The following CSTPP1 variants were observed in gnomAD, a reference collection of about 807,000 sequenced individuals.
CSTPP1 encodes centriolar satellite-associated tubulin polyglutamylase complex regulator 1, also known as UPF0705 protein C11orf49.
At chr11:46,936,933 C>A in the CSTPP1 span, 1 of 1,251,374 alleles carries the variant, frequency 8.0e-7, no homozygotes, top group South Asian at 2.3e-5. Flanking sequence ...GGGGCGGGGT[C>A]TGAGTGGGAT....
the CSTPP1 span, among the ~76,000 whole-genome samples, chr11:47,001,114 C>T: frequency 2.6e-5 from 4 of 152,118 alleles, no homozygotes; most frequent in African/African-American, 9.7e-5. Flanking sequence ...GGTGATGCAC[C>T]TTTTCTTTGT....
the CSTPP1 span, among the ~76,000 whole-genome samples, chr11:47,088,598 G>A: frequency 6.6e-6 from 1 of 152,148 alleles, no homozygotes; most frequent in African/African-American, 2.4e-5. Context: ...CCAGGCTGGA[G>A]TGCAATGGCA....
the CSTPP1 span, among the ~76,000 whole-genome samples, chr11:47,158,812 G>A: frequency 1.3e-5 from 2 of 152,206 alleles, no homozygotes; most frequent in Non-Finnish European, 2.9e-5. Context: ...TGGGATTACA[G>A]TTGTGAGCCA....
the CSTPP1 span, among the ~76,000 whole-genome samples, chr11:47,112,894 G>A: frequency 5.3e-5 from 8 of 151,958 alleles, no homozygotes; most frequent in Non-Finnish European, 1.2e-4. Flanking sequence ...ACAATCTGCA[G>A]GTTTGGTACA....
chr11:46,996,526 TCTC>T, the CSTPP1 span, among the ~76,000 whole-genome samples: 1 of 152,046 alleles, frequency 6.6e-6, no homozygotes, highest in African/African-American at 2.4e-5. Context: ...ATGGTCTCGA[TCTC>T]CTGACCTCGT....
chr11:47,156,318 C>T, the CSTPP1 span, among the ~76,000 whole-genome samples: 1 of 152,346 alleles, frequency 6.6e-6, no homozygotes, highest in Admixed American at 6.5e-5. Context: ...ACAGCACCCC[C>T]AGAGGGATGG....
the CSTPP1 span, among the ~76,000 whole-genome samples, chr11:47,116,421 A>G: frequency 6.6e-6 from 1 of 151,870 alleles, no homozygotes; most frequent in Non-Finnish European, 1.5e-5. Flanking sequence ...TGGGGTGTTA[A>G]AGTCTCCCAT....
the CSTPP1 span, among the ~76,000 whole-genome samples, chr11:46,990,953 T>C: frequency 6.6e-6 from 1 of 152,210 alleles, no homozygotes; most frequent in Admixed American, 6.5e-5. Context: ...GTGTGCTTTA[T>C]TTTTGAGTTT....
the CSTPP1 span, among the ~76,000 whole-genome samples, chr11:47,153,213 AACC>A: frequency 6.6e-6 from 1 of 152,180 alleles, no homozygotes; most frequent in Non-Finnish European, 1.5e-5. Flanking sequence ...GAGATGGGGT[AACC>A]ACTTGGCCTT....
the CSTPP1 span, among the ~76,000 whole-genome samples, chr11:47,095,992 A>G: frequency 6.6e-6 from 1 of 152,184 alleles, no homozygotes; most frequent in Non-Finnish European, 1.5e-5. Flanking sequence ...TTACAGAGAT[A>G]GATACATAAA....
the CSTPP1 span, among the ~76,000 whole-genome samples, chr11:46,976,137 C>T: frequency 1.3e-5 from 2 of 152,078 alleles, no homozygotes; most frequent in Admixed American, 1.3e-4. Context: ...GCAATGAACC[C>T]TCAGAGGAAC....
chr11:46,946,622 C>T, the CSTPP1 span, among the ~76,000 whole-genome samples: 3 of 152,230 alleles, frequency 2.0e-5, no homozygotes, highest in Non-Finnish European at 4.4e-5. Flanking sequence ...TGCACCACGG[C>T]ACTCCAGCCT....
the CSTPP1 span, chr11:47,052,575 C>T: frequency 1.9e-6 from 3 of 1,577,858 alleles, no homozygotes; most frequent in South Asian, 1.2e-5. Context: ...TTCTTCCTTC[C>T]TTCCTTCCTC....
At chr11:47,086,242 A>C in the CSTPP1 span, among the ~76,000 whole-genome samples, 1,895 of 146,540 alleles carry the variant, frequency 0.013, 72 homozygotes, top group African/African-American at 0.045. Flanking sequence ...TCCAAAAAAA[A>C]AAAAAAAAAA....
chr11:47,036,201 TATATATTATATTAATATATAATATATATA>T, the CSTPP1 span, among the ~76,000 whole-genome samples: 2 of 56,724 alleles, frequency 3.5e-5, no homozygotes, highest in African/African-American at 1.0e-4. Flanking sequence ...TATTATATAT[TATATATTATATTAATATATAATATATATA>T]ATATATTATA....
chr11:47,095,431 C>T, the CSTPP1 span, among the ~76,000 whole-genome samples: 1 of 152,132 alleles, frequency 6.6e-6, no homozygotes, highest in Admixed American at 6.5e-5. Flanking sequence ...ACTTGAAACA[C>T]CCTTTTTTTC....
chr11:47,118,865 C>T, the CSTPP1 span, among the ~76,000 whole-genome samples: 1 of 152,222 alleles, frequency 6.6e-6, no homozygotes, highest in Non-Finnish European at 1.5e-5. Context: ...TATGAGGTGT[C>T]TGTCGGCCCC....
At chr11:47,003,343 C>G in the CSTPP1 span, among the ~76,000 whole-genome samples, 1 of 152,164 alleles carries the variant, frequency 6.6e-6, no homozygotes, top group East Asian at 1.9e-4. Flanking sequence ...CTTTAATGAG[C>G]TGGCGTGGGG....
chr11:47,058,076 A>G, the CSTPP1 span, among the ~76,000 whole-genome samples: 3 of 152,112 alleles, frequency 2.0e-5, no homozygotes, highest in African/African-American at 7.3e-5. Flanking sequence ...GCTCATGCCT[A>G]CAATCCCAGG....
Sources: gnomAD v4.1 joint callset for allele counts (sites outside exome capture counted in the v4.1 genomes callset) on GRCh38, gnomAD v4.1.1 for gene constraint, MANE v1.5 for transcripts, NCBI Gene and HGNC (gene_info 2026-07-23, HGNC 2026-07-21) for gene names.